SPHKAP: variants seen among roughly 807,000 people sequenced by gnomAD.
The protein encoded by SPHKAP is A-kinase anchor protein SPHKAP.
Under a neutral mutation model 137.5 loss-of-function variants are expected in SPHKAP, and 67 were observed. The observed-to-expected ratio is 0.49, with a 90% confidence interval of 0.40 to 0.60. The LOEUF (loss-of-function observed/expected upper bound fraction) is 0.60. Ranked by LOEUF, SPHKAP falls within the 20% of genes least tolerant of loss-of-function variation. SPHKAP has a pLI of 0.00. For missense variants in SPHKAP, 2,097 were observed against 2,069.3 expected, an observed-to-expected ratio of 1.01 and a Z score of -0.26; for synonymous variants, 813 against 785.3, an observed-to-expected ratio of 1.04 and a Z score of -0.59.
At chr2:228,027,033 C>G (rs536565237) in intron 4 of SPHKAP, among the ~76,000 whole-genome samples, 1 of 152,290 alleles carries the variant, frequency 6.6e-6, no homozygotes, top group African/African-American at 2.4e-5. Context: ...TACTGTCAAG[C>G]ATTTACATCA....
At chr2:227,993,423 G>C in intron 9 of SPHKAP, 111 bp downstream of exon 9, 1 of 957,840 alleles carries the variant, frequency 1.0e-6, no homozygotes, top group South Asian at 1.5e-5. Context: ...AACCACAGCA[G>C]TACAGACATG....
In SPHKAP at chr2:228,039,962, G is replaced by A. The variant is rs200832574; in HGVS notation, c.247-12419C>T. ...CTGCGTCCACTAGGGGGAAATCACT[G>A]TGCAAGGGGTCAGATGACAGCAGGG... is the stretch of plus-strand genomic sequence containing the variant. On this transcript the variant is annotated intron_variant, in intron 3 of 11. Transcript: ENST00000392056. 2.0e-4 allele frequency among the ~76,000 whole-genome samples: 30 copies of A among 152,274 alleles called. No homozygotes were observed. In the East Asian group the frequency reaches 2.1e-3, roughly 11 times the overall value.
At chr2:227,996,902 A>G (rs1693659768) in intron 7 of SPHKAP, among the ~76,000 whole-genome samples, 1 of 152,204 alleles carries the variant, frequency 6.6e-6, no homozygotes, top group Non-Finnish European at 1.5e-5. Flanking sequence ...CTAAATTGCT[A>G]TAATTCCAGA....
intron 1 of SPHKAP, among the ~76,000 whole-genome samples, chr2:228,140,023 C>T (rs970029452): frequency 6.6e-6 from 1 of 151,554 alleles, no homozygotes; most frequent in African/African-American, 2.4e-5. Flanking sequence ...CAGCTCACTG[C>T]AACCTCCACC....
chr2:228,008,645 C>T (rs1403372704), intron 7 of SPHKAP, among the ~76,000 whole-genome samples: 2 of 150,474 alleles, frequency 1.3e-5, no homozygotes, highest in Non-Finnish European at 2.9e-5. Context: ...GTGATCCATT[C>T]GTGTTATTTT....
At chr2:228,149,840 A>AT (rs1312729101) in intron 1 of SPHKAP, among the ~76,000 whole-genome samples, 2 of 152,134 alleles carry the variant, frequency 1.3e-5, no homozygotes, top group East Asian at 1.9e-4. Context: ...TCTGCAGATT[A>AT]TTTTTTTATT....
At chr2:228,011,199 C>T (rs563677314) in intron 7 of SPHKAP, among the ~76,000 whole-genome samples, 7 of 150,510 alleles carry the variant, frequency 4.7e-5, no homozygotes, top group African/African-American at 9.8e-5. Flanking sequence ...GTTTTCTCCT[C>T]GTATCCAGAG....
At chr2:228,119,762 A>T (rs747624785) in intron 2 of SPHKAP, among the ~76,000 whole-genome samples, 1 of 152,164 alleles carries the variant, frequency 6.6e-6, no homozygotes, top group Non-Finnish European at 1.5e-5. Flanking sequence ...TGAGTGAGTT[A>T]GTCTCCATTT....
intron 3 of SPHKAP, among the ~76,000 whole-genome samples, chr2:228,074,799 T>A (rs1697122237): frequency 6.6e-6 from 1 of 152,212 alleles, no homozygotes; most frequent in Non-Finnish European, 1.5e-5. Context: ...TTCTTCTTTA[T>A]AATTTTCTTC....
At chr2:227,986,462 G>T (rs1294507009) in intron 11 of SPHKAP, among the ~76,000 whole-genome samples, 1 of 152,084 alleles carries the variant, frequency 6.6e-6, no homozygotes, top group Non-Finnish European at 1.5e-5. Flanking sequence ...TACAAATTGG[G>T]TTCAATGTAT....
intron 7 of SPHKAP, among the ~76,000 whole-genome samples, chr2:228,002,100 G>C (rs1468244965): frequency 6.6e-6 from 1 of 152,106 alleles, no homozygotes; most frequent in Non-Finnish European, 1.5e-5. Flanking sequence ...TGGGATGGCT[G>C]GGTCAAATGG....
chr2:228,025,838 AATT>A, intron 4 of SPHKAP: 1 of 982,018 alleles, frequency 1.0e-6, no homozygotes, highest in Non-Finnish European at 1.2e-6. Flanking sequence ...AACTTGGAAA[AATT>A]TTCCCTTTTA....
chr2:228,115,848 A>G (rs977870515), intron 2 of SPHKAP, among the ~76,000 whole-genome samples: 1 of 152,168 alleles, frequency 6.6e-6, no homozygotes, highest in African/African-American at 2.4e-5. Context: ...CTCATAGGTT[A>G]AAATCGAATC....
rs551061216 is a variant in SPHKAP, at chr2:228,057,488, G to C, written c.247-29945C>G. 2.1e-4 allele frequency among the ~76,000 whole-genome samples: 32 copies of C among 152,276 alleles called. No individual in the cohort carries two copies. In the South Asian group the frequency reaches 5.8e-3, roughly 28 times the overall value. On this transcript the variant is annotated intron_variant, in intron 3 of 11. Coordinates refer to ENST00000392056, the MANE Select transcript of SPHKAP (RefSeq NM_001142644.2). Reference sequence around the variant, plus strand: ...ACTGAGAAATCACAACTACAAGAGAGAGTCTTCAGGGGGTGTGTGCCAGAG... The same window carrying C: ...ACTGAGAAATCACAACTACAAGAGACAGTCTTCAGGGGGTGTGTGCCAGAG...
chr2:227,988,331 T>C (rs1248842379), intron 11 of SPHKAP, among the ~76,000 whole-genome samples: 1 of 152,202 alleles, frequency 6.6e-6, no homozygotes, highest in Admixed American at 6.5e-5. Flanking sequence ...TTTCTTGAGC[T>C]GGTGCTAATT....
At position 228,175,437 on chromosome 2, in the gene SPHKAP, T is replaced by TA. The variant is rs1243562415; in HGVS notation, c.32+6129dup. Among the ~76,000 whole-genome samples the TA allele has an allele frequency of 4.1e-4, 63 of 152,276 alleles. 1 individual carries two copies. Among genetic ancestry groups the TA allele is most frequent in the African/African-American group, 1.5e-3 (62 of 41,570 alleles). ...GGAGATAATTTGGAATGTATACTTG[T>TA]AAAAACCTCACACTGGATGTGAAGT... On this transcript the variant is annotated intron_variant, in intron 1 of 11. Transcript: ENST00000392056.
intron 3 of SPHKAP, among the ~76,000 whole-genome samples, chr2:228,086,589 T>C (rs1697546722): frequency 6.6e-6 from 1 of 152,122 alleles, no homozygotes; most frequent in African/African-American, 2.4e-5. Flanking sequence ...AGGATAAGAA[T>C]GCCATGACCA....
chr2:228,074,197 T>A (rs1377422774), intron 3 of SPHKAP, among the ~76,000 whole-genome samples: 1 of 152,220 alleles, frequency 6.6e-6, no homozygotes, highest in East Asian at 1.9e-4. Context: ...ACTGTAAGCA[T>A]ATACTGTGAT....
intron 3 of SPHKAP, among the ~76,000 whole-genome samples, chr2:228,056,184 G>A (rs1379218297): frequency 6.6e-6 from 1 of 152,146 alleles, no homozygotes; most frequent in Non-Finnish European, 1.5e-5. Context: ...TATAGAAACG[G>A]TTGTTTAATT....
Sources: gnomAD v4.1 joint callset for allele counts (sites outside exome capture counted in the v4.1 genomes callset) on GRCh38, gnomAD v4.1.1 for gene constraint, MANE v1.5 for transcripts, NCBI Gene and HGNC (gene_info 2026-07-23, HGNC 2026-07-21) for gene names.